CARD6: variants seen among roughly 807,000 people sequenced by gnomAD.
The protein encoded by CARD6 is caspase recruitment domain-containing protein 6.
A neutral mutation model predicts 23.6 loss-of-function variants in CARD6; 27 were observed. The observed-to-expected ratio is 1.14, with a 90% CI of 0.84 to 1.58. The LOEUF (loss-of-function observed/expected upper bound fraction) is 1.58. Among genes scored for constraint, CARD6 ranks in the 40% most tolerant of loss-of-function variants. The probability of loss-of-function intolerance (pLI) is 0.00; values close to 1 mark genes in which losing one functional copy is unlikely to be tolerated. For synonymous variants in CARD6, 397 were observed against 431.8 expected (o/e 0.92, Z 1.00); for missense variants, 1,214 against 1,209.9 (o/e 1.00, Z -0.05).
chr5:40,852,573 ACAACAAAAGCATCTTAATGCTG>A lies in CARD6; in HGVS notation c.1242_1263del (p.Asn414LysfsTer4). The A allele has an allele frequency of 6.2e-7, 1 of 1,614,212 alleles. No individual in the cohort carries two copies. The highest frequency in any genetic ancestry group is 8.5e-7 in the Non-Finnish European group (1 of 1,180,034). On this transcript the variant is annotated frameshift_variant, in exon 3 of 3. Coordinates refer to ENST00000254691, the MANE Select transcript of CARD6 (RefSeq NM_032587.4). LOFTEE classifies it low-confidence loss of function (END_TRUNC). ...CCCCTGCTACTGCCAGATGCAGAAA[ACAACAAAAGCATCTTAATGCTG>A]GGGGCCATGAAAGACATTGTGAAGA...
chr5:40,847,214 T>G (rs1229295390), intron 2 of CARD6, among the ~76,000 whole-genome samples: 2 of 152,238 alleles, frequency 1.3e-5, no homozygotes, highest in East Asian at 3.8e-4. Context: ...AAAATAGTTC[T>G]AAATCAAAGG....
Position 40,852,287 on chromosome 5 carries a change from C to T in CARD6, c.955C>T (p.Pro319Ser). ...CTTAGATCGAGGATGTAAGTGGACC[C>T]CTGAGAGTCCAGGAGACTTAGCCTG... ...FSLDRGCKWT[P>S]ESPGDLAWNF... The change falls in exon 3 of 3, where the codon CCT becomes TCT. Residue 319 changes from proline to serine, a missense_variant. Physicochemically the swap from Pro to Ser is moderately conservative, Grantham distance 74 (BLOSUM62 -1). Coordinates refer to ENST00000254691, the MANE Select transcript of CARD6 (RefSeq NM_032587.4). The T allele has an allele frequency of 6.2e-7, 1 of 1,614,004 alleles. No individual in the cohort carries two copies. Among genetic ancestry groups the T allele is most frequent in the Non-Finnish European group, 8.5e-7 (1 of 1,179,946 alleles).
At position 40,843,174 on chromosome 5, in the gene CARD6, A is replaced by G; in HGVS notation, c.306A>G (p.Thr102=). ...CAGAAGTTTTAAAACATGAGAATACAGTACCTCCTCAATCTATGGGGGCAA... is the reference window on the plus strand; with the variant it reads ...CAGAAGTTTTAAAACATGAGAATACGGTACCTCCTCAATCTATGGGGGCAA... ...LRHEVLKHEN[T]VPPQSMGASS... is the part of the protein sequence containing the mutation. Residue 102 remains threonine, a synonymous_variant, in exon 2 of 3, where the codon ACA becomes ACG. Coordinates refer to ENST00000254691, the MANE Select transcript of CARD6 (RefSeq NM_032587.4). The G allele has an allele frequency of 6.3e-7, 1 of 1,596,482 alleles. No homozygotes were observed. Among genetic ancestry groups the G allele is most frequent in the South Asian group, 1.1e-5 (1 of 87,534 alleles).
At chr5:40,850,446 G>A (rs1403250827) in intron 2 of CARD6, among the ~76,000 whole-genome samples, 2 of 136,458 alleles carry the variant, frequency 1.5e-5, no homozygotes, top group Admixed American at 7.9e-5. Flanking sequence ...CAGGCACAGT[G>A]GCTCACACCT....
intron 2 of CARD6, among the ~76,000 whole-genome samples, chr5:40,851,131 G>A (rs566496944): frequency 2.6e-5 from 4 of 151,526 alleles, no homozygotes; most frequent in Admixed American, 2.0e-4. Flanking sequence ...TCAGGAGTTC[G>A]AGACCAGCCT....
chr5:40,853,216 C>T lies in CARD6; in HGVS notation c.1884C>T (p.Ala628=), dbSNP rs1746109269. The change falls in exon 3 of 3, where the codon GCC becomes GCT. Residue 628 remains alanine, a synonymous_variant. Coordinates refer to ENST00000254691, the MANE Select transcript of CARD6 (RefSeq NM_032587.4). Reference sequence around the variant, plus strand: ...AGAACATGGAGGGCCTTCAAGCTGCCCTCCAGGAAGTGATGTTCTCTTCTT... The same window carrying T: ...AGAACATGGAGGGCCTTCAAGCTGCTCTCCAGGAAGTGATGTTCTCTTCTT... ...RRKNMEGLQA[A]LQEVMFSSCL... is the part of the protein sequence containing the mutation. 1.2e-6 allele frequency: 2 copies of T among 1,614,080 alleles called. No individual in the cohort carries two copies. Among genetic ancestry groups the T allele is most frequent in the Non-Finnish European group, 1.7e-6 (2 of 1,180,024 alleles).
intron 2 of CARD6, among the ~76,000 whole-genome samples, chr5:40,845,210 C>T (rs776157042): frequency 6.6e-6 from 1 of 152,148 alleles, no homozygotes; most frequent in African/African-American, 2.4e-5. Context: ...AGGATCCTAG[C>T]TTTCCTGGTG....
intron 1 of CARD6, among the ~76,000 whole-genome samples, 156 bp from the exon 2 acceptor site, chr5:40,842,996 C>T (rs1164448079): frequency 6.6e-6 from 1 of 152,156 alleles, no homozygotes; most frequent in Non-Finnish European, 1.5e-5. Flanking sequence ...CCAGATCGTG[C>T]CATTGCACTC....
intron 2 of CARD6, among the ~76,000 whole-genome samples, chr5:40,846,642 T>A (rs906958586): frequency 2.0e-5 from 3 of 152,186 alleles, no homozygotes; most frequent in African/African-American, 7.2e-5. Context: ...CGTGCATTCC[T>A]TGACTTACAG....
Position 40,843,420 on chromosome 5 carries a change from A to T in CARD6, c.552A>T (p.Gly184=), listed in dbSNP as rs1207798570. The T allele has an allele frequency of 4.3e-6, 7 of 1,614,160 alleles. No homozygotes were observed. In the South Asian group the frequency reaches 7.7e-5, roughly 18 times the overall value. The change falls in exon 2 of 3, where the codon GGA becomes GGT. Residue 184 remains glycine (G), a synonymous_variant. Coordinates refer to ENST00000254691, the MANE Select transcript of CARD6 (RefSeq NM_032587.4). The part of the protein sequence containing the change: ...VTLSYSVEKV[G]CEVPATITYI... ...TATCATATTCAGTTGAGAAAGTTGGATGTGAAGTTCCAGCAACTATTACAT... is the reference window on the plus strand; with the variant it reads ...TATCATATTCAGTTGAGAAAGTTGGTTGTGAAGTTCCAGCAACTATTACAT...
intron 2 of CARD6, among the ~76,000 whole-genome samples, chr5:40,846,794 G>A (rs976330700): frequency 2.6e-5 from 4 of 152,026 alleles, no homozygotes; most frequent in African/African-American, 7.2e-5. Flanking sequence ...AATTACCTCT[G>A]TAAAGATAAA....
chr5:40,846,265 G>A (rs1056907921), intron 2 of CARD6, among the ~76,000 whole-genome samples: 13 of 152,054 alleles, frequency 8.5e-5, no homozygotes, highest in African/African-American at 3.1e-4. Flanking sequence ...CACCCACCTC[G>A]GCCTCCCAAA....
At chr5:40,847,968 A>C (rs1371774138) in intron 2 of CARD6, among the ~76,000 whole-genome samples, 3 of 151,892 alleles carry the variant, frequency 2.0e-5, no homozygotes, top group African/African-American at 4.8e-5. Context: ...AGTTTTAAAA[A>C]TATTGTTCTA....
Position 40,853,988 on chromosome 5 carries a change from A to G in CARD6, c.2656A>G (p.Ile886Val). The part of the protein sequence containing the change: ...TELTEATGKL[I>V]RTSHIGKPHP... ...GTTAACTGAAGCAACTGGAAAACTG[A>G]TAAGAACATCCCATATTGGAAAGCC... Residue 886 changes from isoleucine to valine, a missense_variant, in exon 3 of 3, where the codon ATA becomes GTA. Coordinates refer to ENST00000254691, the MANE Select transcript of CARD6 (RefSeq NM_032587.4). 11 of 1,614,218 alleles carry G rather than the reference A, an allele frequency of 6.8e-6. No individual in the cohort carries two copies. The highest frequency in any genetic ancestry group is 2.2e-5 in the South Asian group (2 of 91,082).
Position 40,853,876 on chromosome 5 carries a change from G to T in CARD6, c.2544G>T (p.Lys848Asn). Residue 848 changes from lysine to asparagine, a missense_variant, in exon 3 of 3, where the codon AAG becomes AAT. Physicochemically the swap from Lys to Asn is moderately conservative, Grantham distance 94. Coordinates refer to ENST00000254691, the MANE Select transcript of CARD6 (RefSeq NM_032587.4). ...AAAGGTCTAGGGCAGTAGCCTCCAA[G>T]ATAGGTCACTCCTATTCCCTGGATT... ...TLERSRAVAS[K>N]IGHSYSLDSQ... 1 of 1,614,210 alleles carries T rather than the reference G, an allele frequency of 6.2e-7. No homozygotes were observed. The highest frequency in any genetic ancestry group is 8.5e-7 in the Non-Finnish European group (1 of 1,180,054).
chr5:40,847,640 A>G (rs1233724119), intron 2 of CARD6, among the ~76,000 whole-genome samples: 1 of 152,134 alleles, frequency 6.6e-6, no homozygotes, highest in Admixed American at 6.5e-5. Context: ...TTAACATGTT[A>G]TGGATGCCAT....
intron 2 of CARD6, among the ~76,000 whole-genome samples, chr5:40,844,048 C>A (rs993238718): frequency 6.6e-6 from 1 of 152,148 alleles, no homozygotes; most frequent in African/African-American, 2.4e-5. Flanking sequence ...ACCTATTTCT[C>A]AGGTTAAACC....
At position 40,852,845 on chromosome 5, in the gene CARD6, G is replaced by A. The variant is rs111856576; in HGVS notation, c.1513G>A (p.Val505Ile). Residue 505 changes from valine (V) to isoleucine (I), a missense_variant, in exon 3 of 3, where the codon GTT becomes ATT. Coordinates refer to ENST00000254691, the MANE Select transcript of CARD6 (RefSeq NM_032587.4). ...VLPRQISDGLVEITWCFPDSD... is the reference protein window; with the variant it reads ...VLPRQISDGLIEITWCFPDSD... ...TCCCCGGCAAATCTCTGATGGCCTG[G>A]TTGAGATAACATGGTGTTTTCCTGA... 6.8e-6 allele frequency: 11 copies of A among 1,614,156 alleles called. No individual in the cohort carries two copies. The African/African-American group carries it at 1.1e-4, about 16-fold the overall frequency.
chr5:40,853,876 G>C lies in CARD6; in HGVS notation c.2544G>C (p.Lys848Asn). ...AAAGGTCTAGGGCAGTAGCCTCCAA[G>C]ATAGGTCACTCCTATTCCCTGGATT... ...TLERSRAVAS[K>N]IGHSYSLDSQ... is the part of the protein sequence containing the mutation. The change falls in exon 3 of 3, where the codon AAG becomes AAC. Residue 848 changes from lysine to asparagine, a missense_variant. Coordinates refer to ENST00000254691, the MANE Select transcript of CARD6 (RefSeq NM_032587.4). 1 of 1,614,210 alleles carries C rather than the reference G, an allele frequency of 6.2e-7. No individual in the cohort carries two copies. Among genetic ancestry groups the C allele is most frequent in the Non-Finnish European group, 8.5e-7 (1 of 1,180,054 alleles).
Sources: allele counts gnomAD v4.1 joint callset (sites outside exome capture counted in the v4.1 genomes callset), GRCh38; gene constraint gnomAD v4.1.1; transcripts MANE v1.5; gene names NCBI Gene and HGNC (gene_info 2026-07-23, HGNC 2026-07-21).